The following CNTN4 variants were observed in gnomAD, a reference collection of about 807,000 sequenced individuals.
CNTN4 encodes the protein contactin-4.
A neutral mutation model predicts 122.5 loss-of-function variants in CNTN4; 77 were observed. The ratio of observed to expected loss-of-function variants is 0.63; its 90% CI spans 0.52 to 0.76. CNTN4 has a LOEUF of 0.76. CNTN4 is among the 30% of genes least tolerant of loss of function. The pLI, the probability that CNTN4 is intolerant of heterozygous loss-of-function variation, is 0.00. For missense variants in CNTN4, 1,256 were observed against 1,259.1 expected, an observed-to-expected ratio of 1.00 and a Z score of 0.04; for synonymous variants, 512 against 447.0, an observed-to-expected ratio of 1.15 and a Z score of -1.83.
chr3:2,541,836 G>A (rs2078042392), intron 3 of CNTN4, among the ~76,000 whole-genome samples: 1 of 152,078 alleles, frequency 6.6e-6, no homozygotes, highest in African/African-American at 2.4e-5. Flanking sequence ...TGCTATGAGT[G>A]GAGATGCCAT....
intron 7 of CNTN4, among the ~76,000 whole-genome samples, chr3:2,863,288 G>C (rs2093688900): frequency 6.6e-6 from 1 of 151,980 alleles, no homozygotes; most frequent in African/African-American, 2.4e-5. Flanking sequence ...TAGTGCTTAG[G>C]CCAACATGTT....
At chr3:3,037,444 C>G (rs1352805120) in intron 18 of CNTN4, 116 bp downstream of exon 18, 3 of 1,365,630 alleles carry the variant, frequency 2.2e-6, no homozygotes, top group Non-Finnish European at 3.1e-6. Context: ...GCTCACCCTT[C>G]CCTTTAAATG....
intron 14 of CNTN4, among the ~76,000 whole-genome samples, chr3:2,996,351 A>ATATTGCAGG (rs1559767392): frequency 6.6e-6 from 1 of 152,184 alleles, no homozygotes; most frequent in Non-Finnish European, 1.5e-5. Context: ...ACATGGTCAG[A>ATATTGCAGG]TATTGCAGGC....
chr3:2,153,792 G>T (rs1470363820), intron 2 of CNTN4, among the ~76,000 whole-genome samples: 1 of 152,146 alleles, frequency 6.6e-6, no homozygotes, highest in African/African-American at 2.4e-5. Flanking sequence ...TTTCCTAGGT[G>T]AGAGAGTGTG....
chr3:2,274,842 G>T (rs1027087579), intron 2 of CNTN4, among the ~76,000 whole-genome samples: 5 of 152,084 alleles, frequency 3.3e-5, no homozygotes, highest in Admixed American at 1.3e-4. Flanking sequence ...CTGTGATAAG[G>T]CTGGTTAATT....
At chr3:2,142,605 A>C (rs555397428) in intron 2 of CNTN4, among the ~76,000 whole-genome samples, 1 of 151,932 alleles carries the variant, frequency 6.6e-6, no homozygotes, top group East Asian at 1.9e-4. Flanking sequence ...GGCCTCCCAA[A>C]CTGCTGGGAT....
At chr3:2,493,938 C>G (rs1178048846) in intron 3 of CNTN4, among the ~76,000 whole-genome samples, 1 of 152,002 alleles carries the variant, frequency 6.6e-6, no homozygotes, top group African/African-American at 2.4e-5. Context: ...AAATGCTATT[C>G]TAGAATAGTG....
chr3:2,803,419 T>C (rs552916954), intron 6 of CNTN4, among the ~76,000 whole-genome samples: 3 of 152,302 alleles, frequency 2.0e-5, no homozygotes, highest in African/African-American at 7.2e-5. Flanking sequence ...ATACAGGCTG[T>C]AGACCAAAGA....
intron 2 of CNTN4, among the ~76,000 whole-genome samples, chr3:2,283,118 A>G (rs936026142): frequency 6.6e-6 from 1 of 152,152 alleles, no homozygotes; most frequent in African/African-American, 2.4e-5. Flanking sequence ...TATGCTTTAA[A>G]AAGGTTAAAT....
intron 2 of CNTN4, among the ~76,000 whole-genome samples, chr3:2,166,759 G>A (rs192774717): frequency 6.6e-6 from 1 of 152,180 alleles, no homozygotes; most frequent in Non-Finnish European, 1.5e-5. Flanking sequence ...TGAAGGGGGA[G>A]CTCTTAGAGA....
At chr3:2,631,009 C>T (rs2082407640) in intron 4 of CNTN4, among the ~76,000 whole-genome samples, 3 of 152,120 alleles carry the variant, frequency 2.0e-5, no homozygotes, top group Admixed American at 2.0e-4. Context: ...AGATCTCAAT[C>T]TATATTGGTG....
At chr3:2,129,065 T>C (rs1229446441) in intron 2 of CNTN4, among the ~76,000 whole-genome samples, 2 of 152,160 alleles carry the variant, frequency 1.3e-5, no homozygotes, top group East Asian at 3.9e-4. Flanking sequence ...TCATTTTTTC[T>C]TTCATAATAT....
chr3:2,925,425 T>C (rs1377068790), intron 12 of CNTN4, among the ~76,000 whole-genome samples: 1 of 152,154 alleles, frequency 6.6e-6, no homozygotes, highest in Middle Eastern at 3.4e-3. Context: ...TGGTCATGCG[T>C]GCCTGTAGTC....
chr3:2,905,755 C>G (rs1374641346), intron 12 of CNTN4, among the ~76,000 whole-genome samples: 1 of 152,216 alleles, frequency 6.6e-6, no homozygotes, highest in Non-Finnish European at 1.5e-5. Context: ...TGCAGGAATT[C>G]AGGAAAGGGA....
chr3:2,549,083 G>T (rs1021436922), intron 3 of CNTN4, among the ~76,000 whole-genome samples: 1 of 152,076 alleles, frequency 6.6e-6, no homozygotes, highest in Middle Eastern at 3.4e-3. Context: ...GAGCTGAGAC[G>T]TTGGGGTTTC....
intron 4 of CNTN4, among the ~76,000 whole-genome samples, chr3:2,707,670 G>A (rs2086825289): frequency 6.6e-6 from 1 of 151,970 alleles, no homozygotes; most frequent in Non-Finnish European, 1.5e-5. Flanking sequence ...TTGAGGCAGG[G>A]TCATGCTCTG....
intron 4 of CNTN4, among the ~76,000 whole-genome samples, chr3:2,583,694 CTTTA>C (rs1050749936): frequency 1.4e-4 from 21 of 152,200 alleles, no homozygotes; most frequent in African/African-American, 2.9e-4. Flanking sequence ...TTTACGCATT[CTTTA>C]TTTATTAATT....
intron 3 of CNTN4, among the ~76,000 whole-genome samples, chr3:2,521,357 C>CCCCCCCCCG (rs10663515): frequency 1.4e-5 from 2 of 147,708 alleles, no homozygotes; most frequent in African/African-American, 5.1e-5. Context: ...CCCCACCCCC[C>CCCCCCCCCG]GCAATAAGTC....
chr3:2,440,712 G>A (rs115756926), intron 3 of CNTN4, among the ~76,000 whole-genome samples: 4 of 150,820 alleles, frequency 2.7e-5, no homozygotes, highest in Admixed American at 6.6e-5. Context: ...ATATACACAC[G>A]TATGTATATA....
Sources: gnomAD v4.1 joint callset for allele counts (sites outside exome capture counted in the v4.1 genomes callset) on GRCh38, gnomAD v4.1.1 for gene constraint, MANE v1.5 for transcripts, NCBI Gene and HGNC (gene_info 2026-07-23, HGNC 2026-07-21) for gene names.